DLEU7: variants seen among roughly 807,000 people sequenced by gnomAD.
The protein encoded by DLEU7 is leukemia-associated protein 7.
In DLEU7, 17 loss-of-function variants were observed where a neutral mutation model predicts 16.0. That is an observed-to-expected ratio of 1.06 (90% CI 0.73 to 1.59). DLEU7 has a LOEUF of 1.59. Among genes scored for constraint, DLEU7 ranks in the 40% most tolerant of loss-of-function variants. DLEU7 has a pLI of 0.00. For missense variants in DLEU7, 308 were observed against 314.9 expected, an observed-to-expected ratio of 0.98 and a Z score of 0.17; for synonymous variants, 113 against 139.8, an observed-to-expected ratio of 0.81 and a Z score of 1.35.
Position 50,823,534 on chromosome 13 carries a change from C to T in DLEU7, c.460-14G>A, listed in dbSNP as rs1216795205. Reference sequence around the variant, plus strand: ...CTCAACACTATCCTGAAATGAACAACAAACACAAACAAGAAATTAGATAGG... The same window carrying T: ...CTCAACACTATCCTGAAATGAACAATAAACACAAACAAGAAATTAGATAGG... On this transcript the variant is annotated splice_polypyrimidine_tract_variant and intron_variant, in intron 1 of 1. Transcript: ENST00000504404. 2.0e-6 allele frequency: 3 copies of T among 1,534,728 alleles called. No individual in the cohort carries two copies. The highest frequency in any genetic ancestry group is 2.4e-5 in the East Asian group (1 of 40,896).
chr13:50,788,453 A>G (rs1875856181), intron 1 of DLEU7, among the ~76,000 whole-genome samples: 1 of 152,216 alleles, frequency 6.6e-6, no homozygotes, highest in Non-Finnish European at 1.5e-5. Context: ...GTTGAAGTCA[A>G]AAGAACAATT....
chr13:50,815,377 T>C (rs937138973), intron 1 of DLEU7, among the ~76,000 whole-genome samples: 1 of 152,102 alleles, frequency 6.6e-6, no homozygotes, highest in East Asian at 1.9e-4. Context: ...TCTACTGAAA[T>C]GAGGGGAAGG....
intron 1 of DLEU7, among the ~76,000 whole-genome samples, chr13:50,744,675 A>G (rs894300738): frequency 6.6e-6 from 1 of 152,270 alleles, no homozygotes; most frequent in African/African-American, 2.4e-5. Context: ...TATATCTAAT[A>G]ATGAATTAAT....
chr13:50,815,168 G>A (rs568223254), intron 1 of DLEU7, among the ~76,000 whole-genome samples: 1 of 152,132 alleles, frequency 6.6e-6, no homozygotes, highest in South Asian at 2.1e-4. Flanking sequence ...TATCAACAGT[G>A]TTTAAAACCT....
At chr13:50,806,282 G>A (rs1469974751) in intron 1 of DLEU7, among the ~76,000 whole-genome samples, 1 of 152,096 alleles carries the variant, frequency 6.6e-6, no homozygotes, top group African/African-American at 2.4e-5. Flanking sequence ...GTTAAAATTG[G>A]AAGTCCTCAG....
intron 1 of DLEU7, among the ~76,000 whole-genome samples, chr13:50,767,474 A>G (rs1368871404): frequency 1.3e-5 from 2 of 151,548 alleles, no homozygotes; most frequent in Middle Eastern, 6.8e-3. Context: ...AAAAAAAAAA[A>G]AAAACTCCAG....
At chr13:50,753,049 C>T (rs1162603515) in intron 1 of DLEU7, among the ~76,000 whole-genome samples, 2 of 152,152 alleles carry the variant, frequency 1.3e-5, no homozygotes, top group African/African-American at 2.4e-5. Flanking sequence ...CAAAGTTTCT[C>T]CAAGTCCCCA....
chr13:50,764,477 A>G (rs1431029413), intron 1 of DLEU7, among the ~76,000 whole-genome samples: 1 of 152,248 alleles, frequency 6.6e-6, no homozygotes, highest in African/African-American at 2.4e-5. Context: ...CCTAGGCTAT[A>G]CAGAAAGCTG....
intron 1 of DLEU7, among the ~76,000 whole-genome samples, chr13:50,789,908 C>T (rs889578886): frequency 6.6e-6 from 1 of 151,308 alleles, no homozygotes; most frequent in African/African-American, 2.4e-5. Flanking sequence ...TTTCCCAGAG[C>T]CACCTTTTTT....
At chr13:50,787,719 C>G (rs147022869) in intron 1 of DLEU7, among the ~76,000 whole-genome samples, 30 of 152,086 alleles carry the variant, frequency 2.0e-4, no homozygotes, top group African/African-American at 4.8e-4. Context: ...CCCTCCCCCC[C>G]ACCTTTAACA....
At chr13:50,756,337 AG>A (rs768942325) in intron 1 of DLEU7, among the ~76,000 whole-genome samples, 3 of 152,140 alleles carry the variant, frequency 2.0e-5, no homozygotes, top group Non-Finnish European at 4.4e-5. Flanking sequence ...CCCATCAGGT[AG>A]GGGCAGGACT....
At chr13:50,747,369 T>TGTGTGTGA (rs1257382659) in intron 1 of DLEU7, among the ~76,000 whole-genome samples, 2 of 91,144 alleles carry the variant, frequency 2.2e-5, no homozygotes, top group African/African-American at 2.0e-4. Flanking sequence ...TGTGTGTGTG[T>TGTGTGTGA]GTGACAGAGA....
chr13:50,762,600 T>A (rs1259990030), intron 1 of DLEU7, among the ~76,000 whole-genome samples: 1 of 152,128 alleles, frequency 6.6e-6, no homozygotes, highest in Non-Finnish European at 1.5e-5. Context: ...ACAACTTTTA[T>A]GGGTGTCAAC....
Position 50,801,626 on chromosome 13 carries a change from G to A in DLEU7, c.459+41562C>T, listed in dbSNP as rs575915562. Among the ~76,000 whole-genome samples the A allele has an allele frequency of 2.0e-5, 3 of 152,150 alleles. No homozygotes were observed. In the South Asian group the frequency reaches 6.2e-4, roughly 32 times the overall value. On this transcript the variant is annotated intron_variant, in intron 1 of 1. Coordinates refer to the DLEU7 transcript ENST00000400393. ...CACCTTGCACTGCACTGTTGGTTGA[G>A]ATTTTACATGATTTTAAATTACCTT... is the stretch of plus-strand genomic sequence containing the variant.
At chr13:50,727,259 G>A (rs1437000911) in intron 1 of DLEU7, among the ~76,000 whole-genome samples, 1 of 152,002 alleles carries the variant, frequency 6.6e-6, no homozygotes, top group African/African-American at 2.4e-5. Context: ...GGAGGTTTCC[G>A]AATGTATGAA....
At chr13:50,827,430 A>T (rs910679259) in intron 1 of DLEU7, among the ~76,000 whole-genome samples, 2 of 152,066 alleles carry the variant, frequency 1.3e-5, no homozygotes, top group Admixed American at 1.3e-4. Context: ...TGTAATCCCA[A>T]CACTTTGGGA....
At chr13:50,757,990 C>G (rs1874813247) in intron 1 of DLEU7, among the ~76,000 whole-genome samples, 1 of 150,764 alleles carries the variant, frequency 6.6e-6, no homozygotes, top group African/African-American at 2.4e-5. Flanking sequence ...TATTTTATAC[C>G]TAACTTGGTC....
intron 1 of DLEU7, among the ~76,000 whole-genome samples, chr13:50,816,774 G>A (rs1876749029): frequency 6.6e-6 from 1 of 152,166 alleles, no homozygotes; most frequent in Non-Finnish European, 1.5e-5. Context: ...AGGTGGGTCT[G>A]TGGATATCCC....
intron 1 of DLEU7, among the ~76,000 whole-genome samples, chr13:50,767,455 C>CAAAAAAAA (rs35091007): frequency 1.1e-4 from 7 of 64,508 alleles, no homozygotes; most frequent in African/African-American, 4.1e-4. Context: ...GACTCCGTCT[C>CAAAAAAAA]AAAAAAAAAA....
Sources: gnomAD v4.1 joint callset for allele counts (sites outside exome capture counted in the v4.1 genomes callset) on GRCh38, gnomAD v4.1.1 for gene constraint, MANE v1.5 for transcripts, NCBI Gene and HGNC (gene_info 2026-07-23, HGNC 2026-07-21) for gene names.